LHX2: variants seen among roughly 807,000 people sequenced by gnomAD.
The protein encoded by LHX2 is LIM homeobox 2.
A neutral mutation model predicts 33.0 loss-of-function variants in LHX2; 6 were observed. The observed-to-expected ratio is 0.18, with a 90% CI of 0.10 to 0.36. The LOEUF is 0.36. LHX2 is among the 10% of genes least tolerant of loss of function. LHX2 has a pLI of 1.00. For missense variants in LHX2, 442 were observed against 586.2 expected (o/e 0.75, Z 2.54); for synonymous variants, 292 against 253.1 (o/e 1.15, Z -1.46).
At chr9:124,027,536 T>C (rs1297031028) in intron 4 of LHX2, among the ~76,000 whole-genome samples, 2 of 152,320 alleles carry the variant, frequency 1.3e-5, no homozygotes, top group East Asian at 3.9e-4. Flanking sequence ...TGCCTGGCAC[T>C]GGCTGGGTGT....
intron 4 of LHX2, among the ~76,000 whole-genome samples, chr9:124,028,033 T>C (rs1404029171): frequency 1.3e-5 from 2 of 152,166 alleles, no homozygotes; most frequent in Non-Finnish European, 2.9e-5. Context: ...ATTAGTTTGA[T>C]GTTATTAAAA....
At chr9:124,023,898 G>T (rs1237092075) in intron 4 of LHX2, among the ~76,000 whole-genome samples, 1 of 152,156 alleles carries the variant, frequency 6.6e-6, no homozygotes, top group African/African-American at 2.4e-5. Flanking sequence ...CCTACTGAGG[G>T]AGCCCAGAGG....
intron 4 of LHX2, among the ~76,000 whole-genome samples, chr9:124,025,629 C>T (rs936863430): frequency 3.3e-5 from 5 of 151,986 alleles, no homozygotes; most frequent in Admixed American, 3.3e-4. Flanking sequence ...GTGAAGGTCT[C>T]CATAGGGGTT....
rs965644389 is a variant in LHX2, at chr9:124,032,327, C to T, written c.934-93C>T. ...ATCCTCTTGGCAAAACACAGATCAG[C>T]GTCCCCAGAGGCAGCAGAGCTCTGA... On this transcript the variant is annotated intron_variant, in intron 4 of 4. Coordinates refer to ENST00000373615, the MANE Select transcript of LHX2 (RefSeq NM_004789.4). This position sits in a 1 kb window ranked among gnomAD's most constrained non-coding sequence, Gnocchi z 4.1. The T allele has an allele frequency of 2.4e-5, 34 of 1,387,834 alleles. No homozygotes were observed. The South Asian group carries it at 4.1e-4, about 17-fold the overall frequency. The allele number at this position is 1,387,834 out of a possible 1,614,324, so 86.0% of individuals were successfully genotyped here.
chr9:124,031,630 T>C lies in LHX2; in HGVS notation c.934-790T>C, dbSNP rs552489310. 5 of 152,374 alleles carry C rather than the reference T, an allele frequency of 3.3e-5. No homozygotes were observed. The South Asian group carries it at 8.3e-4, about 25-fold the overall frequency. The allele number at this position is 152,374 out of a possible 1,614,324, so 9.4% of individuals were successfully genotyped here. On this transcript the variant is annotated intron_variant, in intron 4 of 4. Coordinates refer to ENST00000373615, the MANE Select transcript of LHX2 (RefSeq NM_004789.4). The stretch of plus-strand genomic sequence containing the variant: ...GAAGAGAGACAAGTAAAAGTAAAAT[T>C]AATTTTAATAATGTATTTTGCTTAA...
At position 124,012,132 on chromosome 9, in the gene LHX2, G is replaced by A. The variant is rs1859099419; in HGVS notation, c.-217G>A. ...TTTGGCGCCGTCGCCCAGGCGCCCC[G>A]CAATGTAGCTGCCCCTGCGCCTCGG... is the stretch of plus-strand genomic sequence containing the variant. On this transcript the variant is annotated 5_prime_UTR_variant, in exon 1 of 5. Coordinates refer to ENST00000373615, the MANE Select transcript of LHX2 (RefSeq NM_004789.4). The surrounding 1 kb of genome is among the most constrained non-coding windows in gnomAD (Gnocchi z 4.3). 8.8e-6 allele frequency: 2 copies of A among 227,672 alleles called. No individual in the cohort carries two copies. Among genetic ancestry groups the A allele is most frequent in the Non-Finnish European group, 1.6e-5 (2 of 122,410 alleles). 14.1% of individuals were successfully genotyped at this position (227,672 alleles called of 1,614,324 possible).
rs1859180127 is a variant in LHX2 at position 124,015,831 on chromosome 9, G to A, written c.727+306G>A. Among the ~76,000 whole-genome samples the A allele has an allele frequency of 1.3e-5, 2 of 152,264 alleles. No homozygotes were observed. The highest frequency in any genetic ancestry group is 6.5e-5 in the Admixed American group (1 of 15,292). On this transcript the variant is annotated intron_variant, in intron 3 of 4. Transcript: ENST00000373615. This position sits in a 1 kb window ranked among gnomAD's most constrained non-coding sequence, Gnocchi z 7.9. Reference sequence around the variant, plus strand: ...CACTTTGCTAGGCAGGAAGTGGCAGGGATGGAGAAAGCAAGGCGGCGCTGA... The same window carrying A: ...CACTTTGCTAGGCAGGAAGTGGCAGAGATGGAGAAAGCAAGGCGGCGCTGA...
intron 4 of LHX2, among the ~76,000 whole-genome samples, chr9:124,031,005 GTGTC>G (rs1352803746): frequency 2.0e-5 from 3 of 152,114 alleles, no homozygotes; most frequent in Non-Finnish European, 2.9e-5. Flanking sequence ...GGACGCGTGT[GTGTC>G]TGTGCCCAAG....
rs1406891817 is a variant in LHX2, at chr9:124,016,447, T to C, written c.727+922T>C. Among the ~76,000 whole-genome samples the C allele has an allele frequency of 2.0e-5, 3 of 152,242 alleles. No individual in the cohort carries two copies. The highest frequency in any genetic ancestry group is 2.9e-5 in the Non-Finnish European group (2 of 68,040). The stretch of plus-strand genomic sequence containing the variant: ...CTCCGGGCTTCCGAACTAGAGTTTA[T>C]GTGCAATTATTTTCTTTCTTTCGTT... On this transcript the variant is annotated intron_variant, in intron 3 of 4. Transcript: ENST00000373615. This position sits in a 1 kb window ranked among gnomAD's most constrained non-coding sequence, Gnocchi z 4.4.
At position 124,016,557 on chromosome 9, in the gene LHX2, A is replaced by G. The variant is rs1359655647; in HGVS notation, c.727+1032A>G. 6.6e-6 allele frequency among the ~76,000 whole-genome samples: 1 copy of G among 152,214 alleles called. No individual in the cohort carries two copies. Among genetic ancestry groups the G allele is most frequent in the Non-Finnish European group, 1.5e-5 (1 of 68,048 alleles). ...CACAAGCAGAAAAAAGCAAAAACAA[A>G]AACAAACCCAAGACTGTGCAGAGGG... On this transcript the variant is annotated intron_variant, in intron 3 of 4. Transcript: ENST00000373615. This position sits in a 1 kb window ranked among gnomAD's most constrained non-coding sequence, Gnocchi z 4.4.
At chr9:124,017,865 G>A (rs1186462371) in intron 3 of LHX2, among the ~76,000 whole-genome samples, 1 of 151,928 alleles carries the variant, frequency 6.6e-6, no homozygotes, top group Non-Finnish European at 1.5e-5. Flanking sequence ...CCCGGGCCCC[G>A]GTGGAACGGA....
In LHX2 at chr9:124,032,970, AT is replaced by A. The variant is rs1828721272; in HGVS notation, c.*266del. On this transcript the variant is annotated 3_prime_UTR_variant, in exon 5 of 5. Coordinates refer to ENST00000373615, the MANE Select transcript of LHX2 (RefSeq NM_004789.4). The surrounding 1 kb of genome is among the most constrained non-coding windows in gnomAD (Gnocchi z 4.1). ...ACTGAGCGAGGAAAAACAACAAATA[AT>A]TTAAGTTGGCTAGAGCTTCTGTATT... is the stretch of plus-strand genomic sequence containing the variant. 1 of 332,696 alleles carries A rather than the reference AT, an allele frequency of 3.0e-6. No homozygotes were observed. The highest frequency in any genetic ancestry group is 5.4e-6 in the Non-Finnish European group (1 of 185,134). The allele number at this position is 332,696 out of a possible 1,614,324, so 20.6% of individuals were successfully genotyped here.
chr9:124,016,315 C>T lies in LHX2; in HGVS notation c.727+790C>T, dbSNP rs539880486. Among the ~76,000 whole-genome samples the T allele has an allele frequency of 6.6e-6, 1 of 152,182 alleles. No homozygotes were observed. Among genetic ancestry groups the T allele is most frequent in the East Asian group, 1.9e-4 (1 of 5,190 alleles). On this transcript the variant is annotated intron_variant, in intron 3 of 4. Coordinates refer to ENST00000373615, the MANE Select transcript of LHX2 (RefSeq NM_004789.4). The surrounding 1 kb of genome is among the most constrained non-coding windows in gnomAD (Gnocchi z 4.4). ...GGCCATTCCCGGAGAAGCTCTGCCC[C>T]CTCCCGCGCCCCTCCCTGCTCAGGA...
intron 4 of LHX2, among the ~76,000 whole-genome samples, chr9:124,026,975 A>G (rs1349625006): frequency 6.6e-6 from 1 of 152,178 alleles, no homozygotes; most frequent in Non-Finnish European, 1.5e-5. Flanking sequence ...CAGGTGGGTG[A>G]TAAGTGTCCA....
At position 124,014,174 on chromosome 9, in the gene LHX2, C is replaced by A. The variant is rs374242964; in HGVS notation, c.323+11C>A. On this transcript the variant is annotated intron_variant, in intron 2 of 4. Coordinates refer to ENST00000373615, the MANE Select transcript of LHX2 (RefSeq NM_004789.4). The surrounding 1 kb of genome is among the most constrained non-coding windows in gnomAD (Gnocchi z 4.8). ...GGAAGACTACTACAGGTAGCCCCCC[C>A]ACCCAACTGCCCCTCAGGACCCCTC... The A allele has an allele frequency of 7.7e-6, 11 of 1,428,834 alleles. No homozygotes were observed. The highest frequency in any genetic ancestry group is 3.8e-5 in the Admixed American group (2 of 51,978). 88.5% of individuals were successfully genotyped at this position (1,428,834 alleles called of 1,614,324 possible).
At chr9:124,017,939 G>A (rs973519446) in intron 3 of LHX2, among the ~76,000 whole-genome samples, 3 of 151,824 alleles carry the variant, frequency 2.0e-5, no homozygotes, top group Non-Finnish European at 4.4e-5. Context: ...CGGCAGGAGC[G>A]GGCGAGGGGC....
Position 124,015,986 on chromosome 9 carries a change from G to A in LHX2, c.727+461G>A, listed in dbSNP as rs1490055513. On this transcript the variant is annotated intron_variant, in intron 3 of 4. Transcript: ENST00000373615. The surrounding 1 kb of genome is among the most constrained non-coding windows in gnomAD (Gnocchi z 7.9). ...CGGGGCGCCGAGCTCGGCCTGGAGT[G>A]CGGCCTGACCTCGTGAAATGTCCCA... Among the ~76,000 whole-genome samples the A allele has an allele frequency of 6.6e-6, 1 of 152,256 alleles. No homozygotes were observed. Among genetic ancestry groups the A allele is most frequent in the Non-Finnish European group, 1.5e-5 (1 of 68,044 alleles).
chr9:124,015,369 G>T lies in LHX2; in HGVS notation c.571G>T (p.Ala191Ser), dbSNP rs771124607. 2 of 1,609,872 alleles carry T rather than the reference G, an allele frequency of 1.2e-6. No individual in the cohort carries two copies. The highest frequency in any genetic ancestry group is 1.7e-6 in the Non-Finnish European group (2 of 1,178,024). Residue 191 changes from alanine to serine, a missense_variant, in exon 3 of 5, where the codon GCT (alanine) becomes TCT (serine). Ala to Ser is a moderately conservative substitution (Grantham distance 99, BLOSUM62 1). This residue lies in a region of LHX2 where 132 missense variants were observed against 139.1 expected (regional missense o/e 0.95). Transcript: ENST00000373615. This position sits in a 1 kb window ranked among gnomAD's most constrained non-coding sequence, Gnocchi z 7.9. ...FNHADVAAAA[A>S]AAAAAKSAGL... ...CCATGCCGACGTGGCAGCGGCGGCCGCTGCAGCCGCGGCGGCCAAGAGCGC... is the reference window on the plus strand; with the variant it reads ...CCATGCCGACGTGGCAGCGGCGGCCTCTGCAGCCGCGGCGGCCAAGAGCGC...
At chr9:124,018,272 GA>G (rs35226188) in intron 3 of LHX2, among the ~76,000 whole-genome samples, 72,109 of 140,298 alleles carry the variant, frequency 0.51, 18,146 homozygotes, top group Admixed American at 0.57. Context: ...TAATTGAGAG[GA>G]AAAAAAAAAA....
Sources: gnomAD v4.1 joint callset for allele counts (sites outside exome capture counted in the v4.1 genomes callset) on GRCh38, gnomAD v4.1.1 for gene constraint, gnomAD v4.1.1 regional missense constraint, Gnocchi (gnomAD v3.1) non-coding constraint, MANE v1.5 for transcripts, NCBI Gene and HGNC (gene_info 2026-07-23, HGNC 2026-07-21) for gene names.